Variants in ATP1A3 observed in about 807,000 individuals in gnomAD.
The protein encoded by ATP1A3 is sodium/potassium-transporting ATPase subunit alpha-3.
In ATP1A3, 12 loss-of-function variants were observed where a neutral mutation model predicts 108.8. The ratio of observed to expected loss-of-function variants is 0.11; its 90% CI spans 0.07 to 0.18. The LOEUF (loss-of-function observed/expected upper bound fraction) is 0.18. Among genes scored for constraint, ATP1A3 ranks in the 10% least tolerant of loss-of-function variants. The pLI is 1.00. For synonymous variants in ATP1A3, 539 were observed against 564.5 expected (o/e 0.95, Z 0.64); for missense variants, 498 against 1,387.7 (o/e 0.36, Z 10.19).
rs1194169124 is a variant in ATP1A3 at position 41,970,780 on chromosome 19, TG to T, written c.2264-239del. 9.3e-5 allele frequency among the ~76,000 whole-genome samples: 14 copies of T among 151,198 alleles called. 1 individual carries two copies. Among genetic ancestry groups the T allele is most frequent in the African/African-American group, 3.4e-4 (14 of 41,100 alleles). On this transcript the variant is annotated intron_variant, in intron 16 of 22. Transcript: ENST00000648268. The stretch of plus-strand genomic sequence containing the variant: ...CCGAGTAGCTGGCACTACAGGCACC[TG>T]CCACCACGCCCGGCTAATTTTTTTG...
intron 18 of ATP1A3, among the ~76,000 whole-genome samples, chr19:41,969,975 ACTC>A (rs2075084614): frequency 1.3e-5 from 2 of 151,514 alleles, no homozygotes; most frequent in African/African-American, 4.9e-5. Flanking sequence ...TGGCTGCTCC[ACTC>A]CTCTGGGGAT....
intron 1 of ATP1A3, among the ~76,000 whole-genome samples, chr19:41,989,342 GGA>G (rs1201562789): frequency 7.2e-6 from 1 of 138,434 alleles, no homozygotes; most frequent in Admixed American, 7.5e-5. Flanking sequence ...TTTTTGAGAC[GGA>G]GTCTCGCTTA....
chr19:41,986,448 C>G lies in ATP1A3; in HGVS notation c.358-219G>C, dbSNP rs567323415. On this transcript the variant is annotated intron_variant, in intron 4 of 22. Transcript: ENST00000648268. ...GTTGTGTTTGAATCTAAGGGTCTGT[C>G]GATTTTTTTTTTGAGACAGAGTCTC... is the stretch of plus-strand genomic sequence containing the variant. The G allele has an allele frequency of 1.1e-4, 53 of 467,988 alleles. No homozygotes were observed. The Admixed American group carries it at 1.7e-3, about 15-fold the overall frequency. The allele number at this position is 467,988 out of a possible 1,614,324, so 29.0% of individuals were successfully genotyped here. A position where few individuals can be genotyped will look rare whatever the true frequency, so the allele number is the denominator to read the frequency against.
rs569380911 is a variant in ATP1A3, at chr19:41,970,788, C to T, written c.2264-246G>A. Among the ~76,000 whole-genome samples the T allele has an allele frequency of 1.4e-4, 22 of 151,882 alleles. 1 individual carries two copies. The South Asian group carries it at 2.7e-3, about 19-fold the overall frequency. On this transcript the variant is annotated intron_variant, in intron 16 of 22. Transcript: ENST00000648268. ...CTGGCACTACAGGCACCTGCCACCA[C>T]GCCCGGCTAATTTTTTTGTATTTTT...
In ATP1A3 at chr19:41,981,205, C is replaced by G. The variant is rs563563207; in HGVS notation, c.1437+297G>C. On this transcript the variant is annotated intron_variant, in intron 11 of 22. Transcript: ENST00000648268. This position sits in a 1 kb window ranked among gnomAD's most constrained non-coding sequence, Gnocchi z 5.0. ...GTACAGATGGGGTTTTGCCATCTTGCCCAGGCTCGTCTCGAACTCCTGGCC... is the reference window on the plus strand; with the variant it reads ...GTACAGATGGGGTTTTGCCATCTTGGCCAGGCTCGTCTCGAACTCCTGGCC... Among the ~76,000 whole-genome samples, 1 of 151,806 alleles carries G rather than the reference C, an allele frequency of 6.6e-6. No homozygotes were observed. Among genetic ancestry groups the G allele is most frequent in the Non-Finnish European group, 1.5e-5 (1 of 67,954 alleles).
At chr19:41,980,029 C>G (rs979459155) in intron 11 of ATP1A3, among the ~76,000 whole-genome samples, 2 of 152,232 alleles carry the variant, frequency 1.3e-5, no homozygotes, top group Non-Finnish European at 2.9e-5. Flanking sequence ...TGGCTCCCAG[C>G]CCCTCTGCAC....
rs1555864809 is a variant in ATP1A3, at chr19:41,984,989, G to A, written c.922C>T (p.Leu308Phe). The A allele has an allele frequency of 6.2e-7, 1 of 1,614,152 alleles. No individual in the cohort carries two copies. Among genetic ancestry groups the A allele is most frequent in the Non-Finnish European group, 8.5e-7 (1 of 1,179,996 alleles). Residue 308 changes from leucine to phenylalanine, a missense_variant, in exon 8 of 23, where the codon CTT (leucine) becomes TTT (phenylalanine). Transcript: ENST00000648268. ...CCGATGAGGAAGATGACAGCCTCAAGCCAGGTGTATCCGAGAATGAGGGAG... is the reference window on the plus strand; with the variant it reads ...CCGATGAGGAAGATGACAGCCTCAAACCAGGTGTATCCGAGAATGAGGGAG... ...ILSLILGYTW[L>F]EAVIFLIGII... is the part of the protein sequence containing the mutation.
intron 8 of ATP1A3, chr19:41,984,502 G>A: frequency 5.1e-6 from 1 of 195,604 alleles, no homozygotes; most frequent in Non-Finnish European, 1.1e-5. Flanking sequence ...TGGGATTACA[G>A]CGTGAGCCAG....
In ATP1A3 at chr19:41,975,759, G is replaced by A; in HGVS notation, c.2133C>T (p.Asp711=). 1 of 1,614,094 alleles carries A rather than the reference G, an allele frequency of 6.2e-7. No individual in the cohort carries two copies. Among genetic ancestry groups the A allele is most frequent in the Non-Finnish European group, 8.5e-7 (1 of 1,179,996 alleles). ...IVAVTGDGVN[D]SPALKKADIG... is the part of the protein sequence containing the mutation. ...TGTCGGCCTTCTTCAGAGCGGGGGA[G>A]TCGTTCACACCATCCCCGGTCACAG... Residue 711 remains aspartate (D), a synonymous_variant, in exon 16 of 23, where the codon GAC becomes GAT. Transcript: ENST00000648268.
Position 41,969,569 on chromosome 19 carries a change from C to A in ATP1A3, c.2554G>T (p.Ala852Ser). Residue 852 changes from alanine to serine, a missense_variant, in exon 19 of 23, where the codon GCT (alanine) becomes TCT (serine). Physicochemically the swap from Ala to Ser is moderately conservative, Grantham distance 99. Around this residue, in one of 9 missense-constraint regions of ATP1A3, gnomAD observed 121 missense variants for 425.1 expected, o/e 0.28. Transcript: ENST00000648268. ...MAYGQIGMIQ[A>S]LGGFFSYFVI... ...AAGTAAGAGAAGAAGCCACCGAGAG[C>A]CTGGATCATTCCTGGAAGGAGGAGA... 1 of 1,613,894 alleles carries A rather than the reference C, an allele frequency of 6.2e-7. No individual in the cohort carries two copies. The highest frequency in any genetic ancestry group is 8.5e-7 in the Non-Finnish European group (1 of 1,180,024).
At chr19:41,969,928 C>T (rs1231699196) in intron 18 of ATP1A3, among the ~76,000 whole-genome samples, 1 of 152,196 alleles carries the variant, frequency 6.6e-6, no homozygotes, top group East Asian at 1.9e-4. Context: ...GGAACCACTG[C>T]CATGAAGTCT....
At chr19:41,969,393 G>A (rs1279076092) in intron 19 of ATP1A3, 42 bp downstream of exon 19, 3 of 1,613,808 alleles carry the variant, frequency 1.9e-6, no homozygotes, top group Non-Finnish European at 2.5e-6. Flanking sequence ...TCACCCCGGG[G>A]ATCTTACGGT....
intron 1 of ATP1A3, among the ~76,000 whole-genome samples, chr19:41,991,391 C>T (rs1460274802): frequency 6.6e-6 from 1 of 152,190 alleles, no homozygotes; most frequent in Non-Finnish European, 1.5e-5. Flanking sequence ...CACGCCAGCC[C>T]TGCAGCAGCA....
At position 41,985,918 on chromosome 19, in the gene ATP1A3, C is replaced by G; in HGVS notation, c.552G>C (p.Lys184Asn). 2 of 1,614,180 alleles carry G rather than the reference C, an allele frequency of 1.2e-6. No homozygotes were observed. The highest frequency in any genetic ancestry group is 8.5e-7 in the Non-Finnish European group (1 of 1,180,018). The change falls in exon 6 of 23, where the codon AAG (lysine) becomes AAC (asparagine). Residue 184 changes from lysine to asparagine, a missense_variant. Lys to Asn is a moderately conservative substitution (Grantham distance 94). Transcript: ENST00000648268. The surrounding 1 kb of genome is among the most constrained non-coding windows in gnomAD (Gnocchi z 8.2). ...GGTCAGCTGGCACTCGGTCTCCACC[C>G]TTGATCTCCACCAGGTCCCCGACCA... The part of the protein sequence containing the change: ...EVVVGDLVEI[K>N]GGDRVPADLR...
chr19:41,980,851 CA>C (rs2075223251), intron 11 of ATP1A3, among the ~76,000 whole-genome samples: 1 of 151,672 alleles, frequency 6.6e-6, no homozygotes, highest in Non-Finnish European at 1.5e-5. Context: ...GTGGAGCTTG[CA>C]GTGAGCTGAG....
At position 41,978,242 on chromosome 19, in the gene ATP1A3, T is replaced by C. The variant is rs2145964972; in HGVS notation, c.1715A>G (p.Asn572Ser). The change falls in exon 13 of 23, where the codon AAC (asparagine) becomes AGC (serine). Residue 572 changes from asparagine (N) to serine (S), a missense_variant. Around this residue, in one of 9 missense-constraint regions of ATP1A3, gnomAD observed 92 missense variants for 168.7 expected, o/e 0.55. Transcript: ENST00000648268. The surrounding 1 kb of genome is among the most constrained non-coding windows in gnomAD (Gnocchi z 8.3). ...GGACATGAGGCCCACAAAGCAGAGG[T>C]TGTCCGTGGTGAAGTTCACGTCATC... The part of the protein sequence containing the change: ...DCDDVNFTTD[N>S]LCFVGLMSMI... The C allele has an allele frequency of 6.2e-7, 1 of 1,614,008 alleles. No homozygotes were observed. The highest frequency in any genetic ancestry group is 8.5e-7 in the Non-Finnish European group (1 of 1,179,974).
rs1232919996 is a variant in ATP1A3 at position 41,966,735 on chromosome 19, AAG to A, written c.*200_*201del. The A allele has an allele frequency of 6.5e-7, 1 of 1,531,328 alleles. No homozygotes were observed. The highest frequency in any genetic ancestry group is 8.8e-7 in the Non-Finnish European group (1 of 1,134,034). 94.9% of individuals were successfully genotyped at this position (1,531,328 alleles called of 1,614,324 possible). On this transcript the variant is annotated 3_prime_UTR_variant, in exon 23 of 23. Transcript: ENST00000648268. The stretch of plus-strand genomic sequence containing the variant: ...GAGAGGGAGAGAAACTGACACAGAA[AAG>A]AGAGAGGAGAGAGGTTTGGGGCAGG...
chr19:41,983,019 T>C (rs1005007799), intron 8 of ATP1A3, among the ~76,000 whole-genome samples: 13 of 152,190 alleles, frequency 8.5e-5, no homozygotes, highest in Admixed American at 8.5e-4. Context: ...CTTAATCCTT[T>C]GCGTATAAAA....
intron 4 of ATP1A3, 149 bp from the exon 5 acceptor site, chr19:41,986,378 G>A: frequency 1.5e-6 from 1 of 671,770 alleles, no homozygotes; most frequent in Admixed American, 2.3e-5. Flanking sequence ...GGGTTGGTGT[G>A]TCTGAGTCTC....
Sources: gnomAD v4.1 joint callset for allele counts (sites outside exome capture counted in the v4.1 genomes callset) on GRCh38, gnomAD v4.1.1 for gene constraint, gnomAD v4.1.1 regional missense constraint, Gnocchi (gnomAD v3.1) non-coding constraint, MANE v1.5 for transcripts, NCBI Gene and HGNC (gene_info 2026-07-23, HGNC 2026-07-21) for gene names.